THBS1: variants seen among roughly 807,000 people sequenced by gnomAD.
The protein encoded by THBS1 is thrombospondin 1, also known as thrombospondin-1.
In THBS1, 29 loss-of-function variants were observed where a neutral mutation model predicts 126.1. The observed-to-expected ratio is 0.23, with a 90% CI of 0.17 to 0.31. The LOEUF is 0.31. Among genes scored for constraint, THBS1 ranks in the 10% least tolerant of loss-of-function variants. The probability of loss-of-function intolerance (pLI) is 1.00; values close to 1 mark genes in which losing one functional copy is unlikely to be tolerated. For synonymous variants in THBS1, 496 were observed against 577.8 expected (o/e 0.86, Z 2.03); for missense variants, 1,198 against 1,545.2 (o/e 0.78, Z 3.77).
chr15:39,581,639 C>CCTCTCT lies in THBS1; in HGVS notation c.-29-166_-29-161dup, dbSNP rs3138595. On this transcript the variant is annotated intron_variant, in intron 1 of 21. Transcript: ENST00000260356. ...TTAAAACCAGCATCTCTTTCCTCCA[C>CCTCTCT]CTCTCTCTCTCTCTCTCTCTCTCTC... 6.8e-3 allele frequency: 2,499 copies of CCTCTCT among 365,798 alleles called. 12 individuals are homozygous for CCTCTCT. The highest frequency in any genetic ancestry group is 0.012 in the African/African-American group (439 of 36,460). 22.7% of individuals were successfully genotyped at this position (365,798 alleles called of 1,614,324 possible).
In THBS1 at chr15:39,592,434, A is replaced by G; in HGVS notation, c.2533-134A>G. ...GCTACTATTGCTATCTTTCTGCAGG[A>G]GTGTGTAAATAGACATGACACCCCA... On this transcript the variant is annotated intron_variant, in intron 16 of 21. Coordinates refer to ENST00000260356, the MANE Select transcript of THBS1 (RefSeq NM_003246.4). This position sits in a 1 kb window ranked among gnomAD's most constrained non-coding sequence, Gnocchi z 4.3. The G allele has an allele frequency of 1.6e-6, 1 of 636,714 alleles. No homozygotes were observed. The highest frequency in any genetic ancestry group is 2.9e-5 in the East Asian group (1 of 34,670). The allele number at this position is 636,714 out of a possible 1,614,324, so 39.4% of individuals were successfully genotyped here. A position where few individuals can be genotyped will look rare whatever the true frequency, so the allele number is the denominator to read the frequency against.
At chr15:39,595,303 C>A in intron 21 of THBS1, 59 bp from the exon 22 acceptor site, 1 of 1,087,300 alleles carries the variant, frequency 9.2e-7, no homozygotes, top group Non-Finnish European at 1.3e-6. Flanking sequence ...ACTAAGATGT[C>A]TATGCTTTTA....
Position 39,589,760 on chromosome 15 carries a change from G to T in THBS1, c.1927-45G>T. ...GGATTCTTGTTTCCATGATATCTGA[G>T]GATTCTCAAAAGCTCTGTGTAACAG... is the stretch of plus-strand genomic sequence containing the variant. On this transcript the variant is annotated intron_variant, in intron 12 of 21. Transcript: ENST00000260356. This position sits in a 1 kb window ranked among gnomAD's most constrained non-coding sequence, Gnocchi z 4.7. 6.5e-7 allele frequency: 1 copy of T among 1,526,806 alleles called. No individual in the cohort carries two copies. The highest frequency in any genetic ancestry group is 8.8e-7 in the Non-Finnish European group (1 of 1,135,356). 94.6% of individuals were successfully genotyped at this position (1,526,806 alleles called of 1,614,324 possible).
intron 6 of THBS1, 90 bp downstream of exon 6, chr15:39,584,512 C>A: frequency 1.3e-6 from 2 of 1,525,536 alleles, no homozygotes. Flanking sequence ...CACAGAGATT[C>A]TTTTTATGTT....
chr15:39,592,170 C>T lies in THBS1; in HGVS notation c.2533-398C>T, dbSNP rs765196667. ...TTTCAGGACTTTTCAGAGAAGTCGA[C>T]GTGTCAACAGTTTTACAACTGAAAC... On this transcript the variant is annotated intron_variant, in intron 16 of 21. Transcript: ENST00000260356. This position sits in a 1 kb window ranked among gnomAD's most constrained non-coding sequence, Gnocchi z 4.3. Among the ~76,000 whole-genome samples, 70 of 152,232 alleles carry T rather than the reference C, an allele frequency of 4.6e-4. No individual in the cohort carries two copies. In the Middle Eastern group the frequency reaches 0.024, roughly 52 times the overall value.
Position 39,582,564 on chromosome 15 carries a change from C to T in THBS1, c.439C>T (p.Leu147Phe). 6.2e-7 allele frequency: 1 copy of T among 1,614,186 alleles called. No individual in the cohort carries two copies. Among genetic ancestry groups the T allele is most frequent in the East Asian group, 2.2e-5 (1 of 44,880 alleles). ...KQHVVSVEEA[L>F]LATGQWKSIT... ...GCACGTGGTGTCTGTGGAAGAAGCT[C>T]TCCTGGCAACCGGCCAGTGGAAGAG... The change falls in exon 3 of 22, where the codon CTC becomes TTC. Residue 147 changes from leucine to phenylalanine, a missense_variant. Physicochemically the swap from Leu to Phe is conservative, Grantham distance 22 (BLOSUM62 0). Coordinates refer to ENST00000260356, the MANE Select transcript of THBS1 (RefSeq NM_003246.4).
Position 39,593,304 on chromosome 15 carries a change from CCT to C in THBS1, c.2995+78_2995+79del. On this transcript the variant is annotated intron_variant, in intron 18 of 21. Transcript: ENST00000260356. This position sits in a 1 kb window ranked among gnomAD's most constrained non-coding sequence, Gnocchi z 5.9. Reference sequence around the variant, plus strand: ...ACAAATATAAAACCTGGCAGTTGTACCTATCCCTGTGGGTGCTGAGGATGTCT... The same window carrying C: ...ACAAATATAAAACCTGGCAGTTGTACATCCCTGTGGGTGCTGAGGATGTCT... The C allele has an allele frequency of 6.2e-7, 1 of 1,611,032 alleles. No individual in the cohort carries two copies. Among genetic ancestry groups the C allele is most frequent in the East Asian group, 2.2e-5 (1 of 44,868 alleles).
intron 7 of THBS1, 126 bp downstream of exon 7, chr15:39,585,689 T>C (rs917672293): frequency 2.2e-6 from 2 of 899,894 alleles, no homozygotes; most frequent in Non-Finnish European, 3.5e-6. Flanking sequence ...AGTTTCTTGC[T>C]GCAGCAGCTG....
intron 7 of THBS1, among the ~76,000 whole-genome samples, chr15:39,585,786 T>C (rs1321444296): frequency 6.6e-6 from 1 of 152,218 alleles, no homozygotes; most frequent in Non-Finnish European, 1.5e-5. Flanking sequence ...GTAATGGCAG[T>C]GAAGATCTTG....
Position 39,583,690 on chromosome 15 carries a change from G to T in THBS1, c.701G>T (p.Ser234Ile), listed in dbSNP as rs1396795713. ...ATCCTCAGGAACAAAGGCTGCTCCA[G>T]CTGTGAGTACCCCTCTATTTTTAGG... ...EDILRNKGCS[S>I]STSVLLTLDN... Residue 234 changes from serine to isoleucine, a missense_variant and splice_region_variant, in exon 4 of 22, where the codon AGC becomes ATC. Ser to Ile is a moderately radical substitution (Grantham distance 142). This residue lies in a region of THBS1 where 663 missense variants were observed against 860.1 expected (regional missense o/e 0.77). Coordinates refer to ENST00000260356, the MANE Select transcript of THBS1 (RefSeq NM_003246.4). 1 of 1,613,778 alleles carries T rather than the reference G, an allele frequency of 6.2e-7. No individual in the cohort carries two copies.
Position 39,592,852 on chromosome 15 carries a change from G to T in THBS1, c.2767+50G>T, listed in dbSNP as rs1163665091. ...AGACAGGGACTGCTGGCACAGCTGTGTAGATTGAAGAAATGAAACCAAGGC... is the reference window on the plus strand; with the variant it reads ...AGACAGGGACTGCTGGCACAGCTGTTTAGATTGAAGAAATGAAACCAAGGC... On this transcript the variant is annotated intron_variant, in intron 17 of 21. Coordinates refer to ENST00000260356, the MANE Select transcript of THBS1 (RefSeq NM_003246.4). The surrounding 1 kb of genome is among the most constrained non-coding windows in gnomAD (Gnocchi z 4.3). 1.9e-5 allele frequency: 30 copies of T among 1,580,860 alleles called. No homozygotes were observed. In the East Asian group the frequency reaches 6.5e-4, roughly 34 times the overall value.
rs75597604 is a variant in THBS1 at position 39,582,707 on chromosome 15, C to T, written c.582C>T (p.Ile194=). 2,825 of 1,613,268 alleles carry T rather than the reference C, an allele frequency of 1.8e-3. 49 individuals are homozygous for T. In the African/African-American group the frequency reaches 0.034, roughly 19 times the overall value. ...TCTTCACCAGAGACCTGGCCAGCATCGCCAGACTCCGCATCGCAAAGGGGG... is the reference window on the plus strand; with the variant it reads ...TCTTCACCAGAGACCTGGCCAGCATTGCCAGACTCCGCATCGCAAAGGGGG... The part of the protein sequence containing the change: ...QSVFTRDLAS[I]ARLRIAKGGV... Residue 194 remains isoleucine (I), a synonymous_variant, in exon 3 of 22, where the codon ATC becomes ATT. Coordinates refer to ENST00000260356, the MANE Select transcript of THBS1 (RefSeq NM_003246.4).
At chr15:39,582,127 G>A (rs1454310338) in intron 2 of THBS1, 66 bp from the exon 3 acceptor site, 3 of 1,515,196 alleles carry the variant, frequency 2.0e-6, no homozygotes, top group South Asian at 1.3e-5. Flanking sequence ...CCACCCCTAA[G>A]GACTCAGCCC....
rs1890118263 is a variant in THBS1 at position 39,582,085 on chromosome 15, T to C, written c.68-108T>C. On this transcript the variant is annotated intron_variant, in intron 2 of 21. Coordinates refer to ENST00000260356, the MANE Select transcript of THBS1 (RefSeq NM_003246.4). Reference sequence around the variant, plus strand: ...GGTATTTATTCACCTCTTTCAGTGGTTGCCAGGAGTTTTCACCCCAACCCT... The same window carrying C: ...GGTATTTATTCACCTCTTTCAGTGGCTGCCAGGAGTTTTCACCCCAACCCT... The C allele has an allele frequency of 3.7e-6, 5 of 1,353,724 alleles. No homozygotes were observed. In the South Asian group the frequency reaches 6.8e-5, roughly 18 times the overall value. The allele number at this position is 1,353,724 out of a possible 1,614,324, so 83.9% of individuals were successfully genotyped here.
At position 39,585,576 on chromosome 15, in the gene THBS1, A is replaced by C; in HGVS notation, c.1120+13A>C. 1.2e-6 allele frequency: 2 copies of C among 1,612,436 alleles called. No individual in the cohort carries two copies. Among genetic ancestry groups the C allele is most frequent in the Non-Finnish European group, 1.7e-6 (2 of 1,179,074 alleles). Reference sequence around the variant, plus strand: ...CCTCGCTGTTGGCGTAAGTTTCTCAAATGGCATAGCTATTCTTCAGTGACT... The same window carrying C: ...CCTCGCTGTTGGCGTAAGTTTCTCACATGGCATAGCTATTCTTCAGTGACT... On this transcript the variant is annotated intron_variant, in intron 7 of 21. Coordinates refer to ENST00000260356, the MANE Select transcript of THBS1 (RefSeq NM_003246.4).
Position 39,592,599 on chromosome 15 carries a change from C to A in THBS1, c.2564C>A (p.Thr855Asn), listed in dbSNP as rs748057952. The A allele has an allele frequency of 1.2e-6, 2 of 1,613,756 alleles. No individual in the cohort carries two copies. The highest frequency in any genetic ancestry group is 1.3e-5 in the African/African-American group (1 of 74,904). The change falls in exon 17 of 22, where the codon ACC becomes AAC. Residue 855 changes from threonine (T) to asparagine (N), a missense_variant. By Grantham distance (65) the Thr-to-Asn change is moderately conservative. This residue lies in a region of THBS1 where 663 missense variants were observed against 860.1 expected (regional missense o/e 0.77). Transcript: ENST00000260356. This position sits in a 1 kb window ranked among gnomAD's most constrained non-coding sequence, Gnocchi z 4.3. ...LDSDSDRIGD[T>N]CDNNQDIDED... ...TCTGACTCAGACCGCATTGGAGATACCTGTGACAACAATCAGGATATTGAT... is the reference window on the plus strand; with the variant it reads ...TCTGACTCAGACCGCATTGGAGATAACTGTGACAACAATCAGGATATTGAT...
At position 39,599,432 on chromosome 15, in the gene THBS1, TA is replaced by T. The variant is rs1351037469; in HGVS notation, c.*4065del. 2 of 152,174 alleles carry T rather than the reference TA, an allele frequency of 1.3e-5. No individual in the cohort carries two copies. The highest frequency in any genetic ancestry group is 6.5e-5 in the Admixed American group (1 of 15,276). The allele number at this position is 152,174 out of a possible 1,614,324, so 9.4% of individuals were successfully genotyped here. A position where few individuals can be genotyped will look rare whatever the true frequency, so the allele number is the denominator to read the frequency against. ...TTGGCAGAAGCAAACTATAAAGTCA[TA>T]AGCCCTTTGCAGTGCAAGTCTAGAA... On this transcript the variant is annotated 3_prime_UTR_variant, in exon 22 of 22. Transcript: ENST00000260356.
intron 8 of THBS1, among the ~76,000 whole-genome samples, chr15:39,587,804 C>T (rs1034684757): frequency 7.2e-5 from 11 of 152,172 alleles, no homozygotes; most frequent in Admixed American, 5.2e-4. Flanking sequence ...ATGGTAAGCA[C>T]CCTGTAAATG....
intron 16 of THBS1, among the ~76,000 whole-genome samples, chr15:39,591,959 T>C (rs1890336603): frequency 6.6e-6 from 1 of 152,220 alleles, no homozygotes; most frequent in Non-Finnish European, 1.5e-5. Flanking sequence ...ATTAATCATA[T>C]GTAATACTAA....
Sources: allele counts gnomAD v4.1 joint callset (sites outside exome capture counted in the v4.1 genomes callset), GRCh38; gene constraint gnomAD v4.1.1; regional missense constraint gnomAD v4.1.1; non-coding constraint Gnocchi (gnomAD v3.1); transcripts MANE v1.5; gene names NCBI Gene and HGNC (gene_info 2026-07-23, HGNC 2026-07-21).